EMCN: variants seen among roughly 807,000 people sequenced by gnomAD.
The protein encoded by EMCN is MUC-14.
A neutral mutation model predicts 38.4 loss-of-function variants in EMCN; 37 were observed. The observed-to-expected ratio is 0.96, with a 90% CI of 0.74 to 1.27. EMCN has a LOEUF of 1.27. EMCN is among the 50% of genes most tolerant of loss of function. EMCN has a pLI of 0.00. For missense variants in EMCN, 318 were observed against 302.8 expected, an observed-to-expected ratio of 1.05 and a Z score of -0.37; for synonymous variants, 95 against 100.8, an observed-to-expected ratio of 0.94 and a Z score of 0.35.
intron 1 of EMCN, among the ~76,000 whole-genome samples, chr4:100,494,750 T>C (rs1729168549): frequency 6.6e-6 from 1 of 151,674 alleles, no homozygotes; most frequent in South Asian, 2.1e-4. Flanking sequence ...GATAAATGAA[T>C]TTTTCTGCTG....
At chr4:100,506,716 A>G (rs562282256) in intron 1 of EMCN, among the ~76,000 whole-genome samples, 1 of 152,318 alleles carries the variant, frequency 6.6e-6, no homozygotes, top group African/African-American at 2.4e-5. Context: ...GTGTGGCCAA[A>G]CAACACAGAC....
chr4:100,493,764 C>A (rs1294322547), intron 1 of EMCN, among the ~76,000 whole-genome samples: 1 of 151,926 alleles, frequency 6.6e-6, no homozygotes, highest in Non-Finnish European at 1.5e-5. Context: ...GTTGGGGGAC[C>A]ACTCCTCTGT....
chr4:100,501,173 A>G (rs1445944228), intron 1 of EMCN, among the ~76,000 whole-genome samples: 2 of 152,110 alleles, frequency 1.3e-5, no homozygotes, highest in Admixed American at 1.3e-4. Context: ...TAAAGTTTTA[A>G]AGATTTCCAT....
chr4:100,426,601 G>T (rs747458482), intron 5 of EMCN, among the ~76,000 whole-genome samples: 1 of 152,094 alleles, frequency 6.6e-6, no homozygotes, highest in Non-Finnish European at 1.5e-5. Context: ...TGAACATTCA[G>T]ATTAAAGCAG....
chr4:100,491,552 C>G (rs1729079576), intron 1 of EMCN, among the ~76,000 whole-genome samples: 1 of 152,208 alleles, frequency 6.6e-6, no homozygotes, highest in Non-Finnish European at 1.5e-5. Flanking sequence ...TTCTACAGAG[C>G]AAAGCAGTTG....
Position 100,396,562 on chromosome 4 carries a change from A to C in EMCN, c.*1851T>G, listed in dbSNP as rs1726126393. The C allele has an allele frequency of 4.5e-5, 1 of 22,292 alleles. No individual in the cohort carries two copies. The highest frequency in any genetic ancestry group is 8.0e-5 in the Non-Finnish European group (1 of 12,428). The allele number at this position is 22,292 out of a possible 1,614,324, so 1.4% of individuals were successfully genotyped here. ...TTCCTTTTTTTTTTTTTTTTTTTTG[A>C]GACAGAGTCTTGCTGTGTCACCCAG... On this transcript the variant is annotated 3_prime_UTR_variant, in exon 12 of 12. Coordinates refer to ENST00000296420, the MANE Select transcript of EMCN (RefSeq NM_016242.4).
chr4:100,415,956 A>G lies in EMCN; in HGVS notation c.693T>C (p.Pro231=). ...GCTTCACGCTCTCTTTATCAGACTG[A>G]GGTCTATTTGAAAAAAAAAACATGA... ...PGTPENGNDQ[P]QSDKESVKLL... is the part of the protein sequence containing the mutation. Residue 231 remains proline (P), a synonymous_variant, in exon 10 of 12, where the codon CCT becomes CCC. Transcript: ENST00000296420. 1 of 1,583,664 alleles carries G rather than the reference A, an allele frequency of 6.3e-7. No homozygotes were observed. Among genetic ancestry groups the G allele is most frequent in the Non-Finnish European group, 8.6e-7 (1 of 1,166,318 alleles).
chr4:100,408,992 AC>A (rs1726474354), intron 11 of EMCN, among the ~76,000 whole-genome samples: 1 of 152,160 alleles, frequency 6.6e-6, no homozygotes, highest in African/African-American at 2.4e-5. Context: ...AAATTCTGAT[AC>A]TGACACATAT....
At chr4:100,415,841 T>TCATGTGA in intron 10 of EMCN, 57 bp downstream of exon 10, 1 of 1,208,424 alleles carries the variant, frequency 8.3e-7, no homozygotes, top group Non-Finnish European at 1.2e-6. Flanking sequence ...AATCCAAGGT[T>TCATGTGA]ATAGTTAGAT....
At chr4:100,503,383 T>C (rs757446754) in intron 1 of EMCN, among the ~76,000 whole-genome samples, 1 of 152,178 alleles carries the variant, frequency 6.6e-6, no homozygotes, top group Non-Finnish European at 1.5e-5. Flanking sequence ...ATAATATCTA[T>C]TTATTATACT....
chr4:100,500,224 T>C (rs1729313654), intron 1 of EMCN, among the ~76,000 whole-genome samples: 1 of 152,314 alleles, frequency 6.6e-6, no homozygotes, highest in African/African-American at 2.4e-5. Flanking sequence ...TAAGTAGTAA[T>C]CATTCTTAAG....
At chr4:100,414,976 G>A (rs558045521) in intron 10 of EMCN, among the ~76,000 whole-genome samples, 21 of 152,160 alleles carry the variant, frequency 1.4e-4, no homozygotes, top group African/African-American at 5.1e-4. Flanking sequence ...CGATCTTGCA[G>A]CTTCCGCCCC....
At chr4:100,413,249 C>T (rs1233844320) in intron 10 of EMCN, among the ~76,000 whole-genome samples, 1 of 152,036 alleles carries the variant, frequency 6.6e-6, no homozygotes, top group African/African-American at 2.4e-5. Flanking sequence ...AGCTGGTGGT[C>T]AGATATTTGT....
At chr4:100,502,973 A>G (rs1729390299) in intron 1 of EMCN, among the ~76,000 whole-genome samples, 1 of 152,138 alleles carries the variant, frequency 6.6e-6, no homozygotes, top group South Asian at 2.1e-4. Context: ...TGGCTTTTAA[A>G]AAATCTTTTT....
intron 10 of EMCN, among the ~76,000 whole-genome samples, chr4:100,414,333 T>G (rs961799041): frequency 2.0e-5 from 3 of 148,112 alleles, no homozygotes; most frequent in Admixed American, 6.9e-5. Context: ...TGGTTCACAT[T>G]AGGCTGCTTG....
intron 5 of EMCN, among the ~76,000 whole-genome samples, chr4:100,435,375 A>G (rs926991140): frequency 6.6e-6 from 1 of 152,200 alleles, no homozygotes; most frequent in African/African-American, 2.4e-5. Context: ...GAAATCAGAG[A>G]AGACACAAAC....
chr4:100,442,693 T>C (rs1282283654), intron 5 of EMCN, among the ~76,000 whole-genome samples: 1 of 152,140 alleles, frequency 6.6e-6, no homozygotes, highest in African/African-American at 2.4e-5. Flanking sequence ...TTGATTGAAT[T>C]CTTCAGCTTC....
chr4:100,449,224 G>A (rs1727770693), intron 4 of EMCN, among the ~76,000 whole-genome samples: 1 of 151,910 alleles, frequency 6.6e-6, no homozygotes, highest in Admixed American at 6.6e-5. Flanking sequence ...AAATTTCCTA[G>A]TTGGATAATT....
At chr4:100,453,043 A>T (rs545183710) in intron 4 of EMCN, among the ~76,000 whole-genome samples, 1 of 152,188 alleles carries the variant, frequency 6.6e-6, no homozygotes, top group Non-Finnish European at 1.5e-5. Flanking sequence ...TGGGTTAAAG[A>T]CTTACATGTT....
Sources: gnomAD v4.1 joint callset for allele counts (sites outside exome capture counted in the v4.1 genomes callset) on GRCh38, gnomAD v4.1.1 for gene constraint, MANE v1.5 for transcripts, NCBI Gene and HGNC (gene_info 2026-07-23, HGNC 2026-07-21) for gene names.